GALNT13: variants seen among roughly 807,000 people sequenced by gnomAD.
GALNT13 encodes UDP-GalNAc:polypeptide N-acetylgalactosaminyltransferase 13.
GALNT13 carries 28 observed loss-of-function variants against 64.2 expected under a neutral mutation model. The observed-to-expected ratio is 0.44, with a 90% CI of 0.32 to 0.60. GALNT13 has a LOEUF of 0.60. Among genes scored for constraint, GALNT13 ranks in the 20% least tolerant of loss-of-function variants. The pLI, the probability that GALNT13 is intolerant of heterozygous loss-of-function variation, is 0.05. For synonymous variants in GALNT13, 214 were observed against 224.6 expected (o/e 0.95, Z 0.42); for missense variants, 577 against 669.8 (o/e 0.86, Z 1.53).
the GALNT13 span, among the ~76,000 whole-genome samples, chr2:153,508,913 T>C: frequency 0.085 from 12,895 of 152,200 alleles, 567 homozygotes; most frequent in South Asian, 0.16. Context: ...GCATGTCAAG[T>C]TTCTGGGTTC....
chr2:154,034,167 C>T (rs1371980237), intron 3 of GALNT13, among the ~76,000 whole-genome samples: 1 of 152,024 alleles, frequency 6.6e-6, no homozygotes, highest in African/African-American at 2.4e-5. Context: ...AAATCTTATA[C>T]GTAAATATTA....
the GALNT13 span, chr2:153,422,015 C>T: frequency 6.6e-6 from 1 of 152,542 alleles, no homozygotes; most frequent in South Asian, 2.0e-4. Flanking sequence ...TGTTACCATC[C>T]CTGACATGTT....
the GALNT13 span, among the ~76,000 whole-genome samples, chr2:153,508,901 C>T: frequency 3.9e-5 from 6 of 152,226 alleles, no homozygotes; most frequent in South Asian, 1.2e-3. Context: ...ACCCTTTTGC[C>T]GGCATGTCAA....
At chr2:154,244,343 A>T (rs1457232086) in intron 6 of GALNT13, among the ~76,000 whole-genome samples, 1 of 152,196 alleles carries the variant, frequency 6.6e-6, no homozygotes, top group Admixed American at 6.5e-5. Flanking sequence ...TAATAAAGGA[A>T]GTGAGAAAAA....
chr2:153,125,897 C>T, the GALNT13 span, among the ~76,000 whole-genome samples: 2 of 151,862 alleles, frequency 1.3e-5, no homozygotes, highest in African/African-American at 4.8e-5. Context: ...AGAGTATAGT[C>T]ATTTGAGGAT....
At chr2:153,253,703 C>T in the GALNT13 span, among the ~76,000 whole-genome samples, 9 of 150,706 alleles carry the variant, frequency 6.0e-5, no homozygotes, top group Non-Finnish European at 1.0e-4. Context: ...TGTCAAAGGC[C>T]TTTTCTGCAT....
At chr2:153,254,212 A>C in the GALNT13 span, among the ~76,000 whole-genome samples, 5 of 152,112 alleles carry the variant, frequency 3.3e-5, no homozygotes, top group Admixed American at 2.6e-4. Flanking sequence ...TGTATGTGTC[A>C]AGGAATTTAT....
the GALNT13 span, among the ~76,000 whole-genome samples, chr2:153,800,416 A>T: frequency 6.6e-6 from 1 of 152,096 alleles, no homozygotes; most frequent in Non-Finnish European, 1.5e-5. Context: ...GTGGCTATGA[A>T]GCTTGGAGTG....
At chr2:154,141,022 C>A (rs1035419397) in intron 4 of GALNT13, among the ~76,000 whole-genome samples, 1 of 151,992 alleles carries the variant, frequency 6.6e-6, no homozygotes, top group African/African-American at 2.4e-5. Context: ...GTACTGAACA[C>A]TAGAGATAAA....
At chr2:154,082,464 C>T (rs1574468653) in intron 3 of GALNT13, among the ~76,000 whole-genome samples, 1 of 151,654 alleles carries the variant, frequency 6.6e-6, no homozygotes, top group Non-Finnish European at 1.5e-5. Flanking sequence ...TCTGAGTTAG[C>T]TGGAATGCTT....
chr2:153,803,476 A>C, the GALNT13 span, among the ~76,000 whole-genome samples: 1 of 152,044 alleles, frequency 6.6e-6, no homozygotes, highest in Non-Finnish European at 1.5e-5. Context: ...GCGGATCACG[A>C]GGTCAGGAGA....
At position 154,110,368 on chromosome 2, in the gene GALNT13, GAGAGAGAGAC is replaced by G. The variant is rs1263504203; in HGVS notation, c.143-29959_143-29950del. Among the ~76,000 whole-genome samples, 929 of 104,766 alleles carry G rather than the reference GAGAGAGAGAC, an allele frequency of 8.9e-3. 37 individuals carry two copies. In the East Asian group the frequency reaches 0.099, roughly 11 times the overall value. 68.7% of individuals were successfully genotyped at this position (104,766 alleles called of 152,430 possible). On this transcript the variant is annotated intron_variant, in intron 3 of 12. Coordinates refer to ENST00000392825, the MANE Select transcript of GALNT13 (RefSeq NM_052917.4). ...AGAGAGAGAGAGAGAGAGAGAGAGA[GAGAGAGAGAC>G]AGAGAGAGAGAGAGAGAGAGAGACA...
chr2:153,204,202 G>C, the GALNT13 span, among the ~76,000 whole-genome samples: 6 of 152,180 alleles, frequency 3.9e-5, no homozygotes, highest in African/African-American at 1.4e-4. Context: ...CATCCTCAGA[G>C]CTGCCTCAAG....
At chr2:153,318,137 T>TTTC in the GALNT13 span, among the ~76,000 whole-genome samples, 1 of 151,050 alleles carries the variant, frequency 6.6e-6, no homozygotes, top group African/African-American at 2.4e-5. Context: ...TTTTTTTTTT[T>TTTC]CCTTTTAAAA....
At chr2:154,014,635 C>CTTTTTTTTTTTTTTTTTTT (rs60950180) in intron 3 of GALNT13, among the ~76,000 whole-genome samples, 33 of 77,216 alleles carry the variant, frequency 4.3e-4, no homozygotes, top group Non-Finnish European at 5.4e-4. Context: ...GATAATTCTC[C>CTTTTTTTTTTTTTTTTTTT]TTTTTTTTTT....
chr2:153,107,393 T>C, the GALNT13 span, among the ~76,000 whole-genome samples: 1 of 152,282 alleles, frequency 6.6e-6, no homozygotes, highest in Middle Eastern at 3.4e-3. Flanking sequence ...TTCTCTAGAT[T>C]TAGTGATTAG....
At chr2:153,860,573 AG>A in the GALNT13 span, among the ~76,000 whole-genome samples, 1 of 152,036 alleles carries the variant, frequency 6.6e-6, no homozygotes. Context: ...CCATATGCAA[AG>A]CTTATGGAAG....
At chr2:154,143,101 G>A (rs1683359623) in intron 4 of GALNT13, among the ~76,000 whole-genome samples, 1 of 152,132 alleles carries the variant, frequency 6.6e-6, no homozygotes, top group Non-Finnish European at 1.5e-5. Flanking sequence ...GGTGGATTGG[G>A]GGTTGGGGGT....
chr2:153,347,427 A>G, the GALNT13 span, among the ~76,000 whole-genome samples: 1 of 152,212 alleles, frequency 6.6e-6, no homozygotes, highest in African/African-American at 2.4e-5. Context: ...AAATCCAAAG[A>G]TAAGTTTATA....
Sources: gnomAD v4.1 joint callset for allele counts (sites outside exome capture counted in the v4.1 genomes callset) on GRCh38, gnomAD v4.1.1 for gene constraint, MANE v1.5 for transcripts, NCBI Gene and HGNC (gene_info 2026-07-23, HGNC 2026-07-21) for gene names.